The following MYPOP variants were observed in gnomAD, a reference collection of about 807,000 sequenced individuals.
MYPOP encodes Myb related transcription factor, partner of profilin.
MYPOP carries 21 observed loss-of-function variants against 25.7 expected under a neutral mutation model. The ratio of observed to expected loss-of-function variants is 0.82; its 90% CI spans 0.58 to 1.18. MYPOP has a LOEUF of 1.18. MYPOP is among the 50% of genes most tolerant of loss of function. The pLI, the probability that MYPOP is intolerant of heterozygous loss-of-function variation, is 0.00. For synonymous variants in MYPOP, 280 were observed against 247.9 expected (o/e 1.13, Z -1.22); for missense variants, 566 against 588.3 (o/e 0.96, Z 0.39).
At position 45,890,444 on chromosome 19, in the gene MYPOP, G is replaced by C; in HGVS notation, c.*179C>G. 1.0e-6 allele frequency: 1 copy of C among 989,664 alleles called. No individual in the cohort carries two copies. The highest frequency in any genetic ancestry group is 1.4e-6 in the Non-Finnish European group (1 of 706,150). 61.3% of individuals were successfully genotyped at this position (989,664 alleles called of 1,614,324 possible). ...AGCACTGTACCAGAGAAAGGGGTTG[G>C]GGGGGCCCATTACTGAGGCCCCCCC... On this transcript the variant is annotated 3_prime_UTR_variant, in exon 3 of 3. Transcript: ENST00000322217.
chr19:45,890,451 C>CT lies in MYPOP; in HGVS notation c.*171_*172insA. On this transcript the variant is annotated 3_prime_UTR_variant, in exon 3 of 3. Coordinates refer to ENST00000322217, the MANE Select transcript of MYPOP (RefSeq NM_001012643.4). ...TACCAGAGAAAGGGGTTGGGGGGGC[C>CT]CATTACTGAGGCCCCCCCCAGAGAA... 1 of 1,094,352 alleles carries CT rather than the reference C, an allele frequency of 9.1e-7. No homozygotes were observed. The highest frequency in any genetic ancestry group is 1.2e-6 in the Non-Finnish European group (1 of 801,038). The allele number at this position is 1,094,352 out of a possible 1,614,324, so 67.8% of individuals were successfully genotyped here.
At chr19:45,894,952 G>A (rs1471925137) in intron 2 of MYPOP, among the ~76,000 whole-genome samples, 4 of 151,962 alleles carry the variant, frequency 2.6e-5, no homozygotes, top group Admixed American at 6.6e-5. Flanking sequence ...TCTTGACCTC[G>A]TGATCCACCC....
At chr19:45,902,105 C>T (rs1200763871) in intron 1 of MYPOP, among the ~76,000 whole-genome samples, 1 of 137,724 alleles carries the variant, frequency 7.3e-6, no homozygotes, top group Non-Finnish European at 1.5e-5. Context: ...AGGAAAAGTG[C>T]GAGGAGAGGA....
rs1291134220 is a variant in MYPOP at position 45,901,643 on chromosome 19, C to T, written c.131G>A (p.Ser44Asn). 3.7e-6 allele frequency: 6 copies of T among 1,610,500 alleles called. No homozygotes were observed. The highest frequency in any genetic ancestry group is 5.1e-6 in the Non-Finnish European group (6 of 1,179,282). Residue 44 changes from serine (S) to asparagine (N), a missense_variant, in exon 2 of 3, where the codon AGC becomes AAC. Transcript: ENST00000322217. This position sits in a 1 kb window ranked among gnomAD's most constrained non-coding sequence, Gnocchi z 5.7. ...CCGCTCTGCCACGCTCACCCGACGG[C>T]TCTGCGCGCCGTAGAGCTGCGGGTA... is the stretch of plus-strand genomic sequence containing the variant. ...AHYPQLYGAQ[S>N]RRVSVAERRR...
rs965881408 is a variant in MYPOP, at chr19:45,892,782, C to T, written c.500-1459G>A. Among the ~76,000 whole-genome samples the T allele has an allele frequency of 1.1e-4, 17 of 152,334 alleles. No individual in the cohort carries two copies. In the East Asian group the frequency reaches 3.3e-3, roughly 29 times the overall value. On this transcript the variant is annotated intron_variant, in intron 2 of 2. Transcript: ENST00000322217. ...TTCCTGGTCCCCCACCCTGGCCCAACCACCAGTATCTCCCACCAGGACCAC... is the reference window on the plus strand; with the variant it reads ...TTCCTGGTCCCCCACCCTGGCCCAATCACCAGTATCTCCCACCAGGACCAC...
chr19:45,890,723 C>CCG lies in MYPOP; in HGVS notation c.1099_1100insCG (p.Arg367ProfsTer40). 16 of 1,193,152 alleles carry CCG rather than the reference C, an allele frequency of 1.3e-5. No individual in the cohort carries two copies. The highest frequency in any genetic ancestry group is 2.1e-5 in the Admixed American group (1 of 48,702). 73.9% of individuals were successfully genotyped at this position (1,193,152 alleles called of 1,614,324 possible). ...CGGAGGGAGCGGGGCTGGGGGGGGC[C>CCG]GGGGTGCCCCCTCCTCGCTCCTTGG... On this transcript the variant is annotated frameshift_variant, in exon 3 of 3. Coordinates refer to ENST00000322217, the MANE Select transcript of MYPOP (RefSeq NM_001012643.4). LOFTEE classifies it high-confidence loss of function.
intron 2 of MYPOP, among the ~76,000 whole-genome samples, chr19:45,893,405 C>T (rs1001798182): frequency 2.7e-5 from 4 of 148,212 alleles, no homozygotes; most frequent in East Asian, 2.0e-4. Flanking sequence ...CCTGTCTCTA[C>T]GAAAAATACA....
At chr19:45,893,568 C>CAAAAAAAAGAAAAAAAAAAAAA (rs1967156141) in intron 2 of MYPOP, among the ~76,000 whole-genome samples, 1 of 82,358 alleles carries the variant, frequency 1.2e-5, no homozygotes, top group Non-Finnish European at 2.3e-5. Context: ...AACTCCGTCT[C>CAAAAAAAAGAAAAAAAAAAAAA]AAAAAAAAAA....
In MYPOP at chr19:45,891,176, A is replaced by G; in HGVS notation, c.647T>C (p.Leu216Pro). 1 of 1,524,468 alleles carries G rather than the reference A, an allele frequency of 6.6e-7. No homozygotes were observed. The allele number at this position is 1,524,468 out of a possible 1,614,324, so 94.4% of individuals were successfully genotyped here. Residue 216 changes from leucine (L) to proline (P), a missense_variant, in exon 3 of 3, where the codon CTG becomes CCG. By Grantham distance (98) the Leu-to-Pro change is moderately conservative (BLOSUM62 -3). Coordinates refer to ENST00000322217, the MANE Select transcript of MYPOP (RefSeq NM_001012643.4). ...GGCTGGGGGTGGTGGAGACAAGGCC[A>G]GGCGAGGCAGCTGGACCGGCTGCAG... ...SALQPVQLPR[L>P]ALSPPPPAPP...
At position 45,890,752 on chromosome 19, in the gene MYPOP, A is replaced by G; in HGVS notation, c.1071T>C (p.Ile357=). 6.4e-7 allele frequency: 1 copy of G among 1,553,578 alleles called. No homozygotes were observed. The highest frequency in any genetic ancestry group is 1.2e-5 in the South Asian group (1 of 84,062). The change falls in exon 3 of 3, where the codon ATT becomes ATC. Residue 357 remains isoleucine, a synonymous_variant. Transcript: ENST00000322217. ...GTGCCCCCTCCTCGCTCCTTGGGGCAATGATCACTCCCCTGGCTGCCACCA... is the reference window on the plus strand; with the variant it reads ...GTGCCCCCTCCTCGCTCCTTGGGGCGATGATCACTCCCCTGGCTGCCACCA... ...GAVVAARGVI[I]APRSEEGAPR...
At chr19:45,892,064 C>G (rs1195387974) in intron 2 of MYPOP, among the ~76,000 whole-genome samples, 4 of 151,774 alleles carry the variant, frequency 2.6e-5, no homozygotes, top group Non-Finnish European at 5.9e-5. Flanking sequence ...GGATTACAGG[C>G]AGGCGCCACC....
intron 2 of MYPOP, among the ~76,000 whole-genome samples, chr19:45,893,951 G>A (rs1232588742): frequency 6.0e-5 from 9 of 149,024 alleles, no homozygotes; most frequent in Admixed American, 3.4e-4. Context: ...CACCACGCCC[G>A]GCTAATTTTT....
Position 45,891,264 on chromosome 19 carries a change from A to C in MYPOP, c.559T>G (p.Cys187Gly). The change falls in exon 3 of 3, where the codon TGC becomes GGC. Residue 187 changes from cysteine (C) to glycine (G), a missense_variant. Physicochemically the swap from Cys to Gly is radical, Grantham distance 159 (BLOSUM62 -3). Coordinates refer to ENST00000322217, the MANE Select transcript of MYPOP (RefSeq NM_001012643.4). ...GGGCAGCCCCCTTCCTGGGGAGTGC[A>C]GGAGGGCCGGGCCCATGGCTCCGGG... ...SSPEPWARPS[C>G]TPQEGGCPRP... 6.4e-7 allele frequency: 1 copy of C among 1,553,038 alleles called. No homozygotes were observed. Among genetic ancestry groups the C allele is most frequent in the Non-Finnish European group, 8.7e-7 (1 of 1,155,702 alleles).
chr19:45,901,144 G>T lies in MYPOP; in HGVS notation c.499+131C>A. ...GAGGCAAGTCATTTCATTTTTCTGA[G>T]CTTCAGTTTCCCTAGCTATAAAATG... On this transcript the variant is annotated intron_variant, in intron 2 of 2. Coordinates refer to ENST00000322217, the MANE Select transcript of MYPOP (RefSeq NM_001012643.4). The surrounding 1 kb of genome is among the most constrained non-coding windows in gnomAD (Gnocchi z 5.7). 1.1e-6 allele frequency: 1 copy of T among 889,176 alleles called. No homozygotes were observed. The highest frequency in any genetic ancestry group is 1.5e-6 in the Non-Finnish European group (1 of 648,524). The allele number at this position is 889,176 out of a possible 1,614,324, so 55.1% of individuals were successfully genotyped here.
chr19:45,897,642 G>A (rs988367111), intron 2 of MYPOP, among the ~76,000 whole-genome samples: 4 of 151,236 alleles, frequency 2.6e-5, no homozygotes, highest in African/African-American at 9.7e-5. Context: ...TGCAACCTCC[G>A]CCTCCCAGGT....
At chr19:45,898,980 A>C (rs1313465173) in intron 2 of MYPOP, among the ~76,000 whole-genome samples, 3 of 152,116 alleles carry the variant, frequency 2.0e-5, no homozygotes, top group African/African-American at 7.2e-5. Flanking sequence ...TAATCCCAGC[A>C]CTTTGGGTGG....
chr19:45,893,723 G>A (rs1204857006), intron 2 of MYPOP, among the ~76,000 whole-genome samples: 3 of 151,872 alleles, frequency 2.0e-5, no homozygotes, highest in Non-Finnish European at 4.4e-5. Flanking sequence ...AAAATTGATC[G>A]TGGTGATGGT....
chr19:45,901,279 A>C lies in MYPOP; in HGVS notation c.495T>G (p.Arg165=). The part of the protein sequence containing the change: ...VLSEDRREDR[R]ADTSAHSKAG... ...GCCTACTCTGAAGACACTCACCTGC[A>C]CGTCGGTCCTCCCGGCGGTCTTCCG... The change falls in exon 2 of 3, where the codon CGT becomes CGG. Residue 165 remains arginine (R), a synonymous_variant. Transcript: ENST00000322217. The surrounding 1 kb of genome is among the most constrained non-coding windows in gnomAD (Gnocchi z 5.7). 4 of 1,448,000 alleles carry C rather than the reference A, an allele frequency of 2.8e-6. No homozygotes were observed. Among genetic ancestry groups the C allele is most frequent in the Non-Finnish European group, 3.6e-6 (4 of 1,101,534 alleles). 89.7% of individuals were successfully genotyped at this position (1,448,000 alleles called of 1,614,324 possible). A position where few individuals can be genotyped will look rare whatever the true frequency, so the allele number is the denominator to read the frequency against.
chr19:45,901,739 G>T lies in MYPOP; in HGVS notation c.35C>A (p.Thr12Asn). ...ASAAAGEAEE[T>N]TRLRKPRFSF... ...GAAGCGCGGCTTGCGCAACCGGGTG[G>T]TTTCCTCCGCTTCGCCCGCCGCCGC... is the stretch of plus-strand genomic sequence containing the variant. The change falls in exon 2 of 3, where the codon ACC (threonine) becomes AAC (asparagine). Residue 12 changes from threonine to asparagine, a missense_variant. Physicochemically the swap from Thr to Asn is moderately conservative, Grantham distance 65 (BLOSUM62 0). Coordinates refer to ENST00000322217, the MANE Select transcript of MYPOP (RefSeq NM_001012643.4). The surrounding 1 kb of genome is among the most constrained non-coding windows in gnomAD (Gnocchi z 5.7). The T allele has an allele frequency of 6.5e-7, 1 of 1,529,910 alleles. No homozygotes were observed. 94.8% of individuals were successfully genotyped at this position (1,529,910 alleles called of 1,614,324 possible).
Sources: gnomAD v4.1 joint callset for allele counts (sites outside exome capture counted in the v4.1 genomes callset) on GRCh38, gnomAD v4.1.1 for gene constraint, Gnocchi (gnomAD v3.1) non-coding constraint, MANE v1.5 for transcripts, NCBI Gene and HGNC (gene_info 2026-07-23, HGNC 2026-07-21) for gene names.